ASIP: variants seen among roughly 807,000 people sequenced by gnomAD.
ASIP encodes the protein agouti signaling protein, also known as agouti-signaling protein.
In ASIP, 11 loss-of-function variants were observed where a neutral mutation model predicts 10.3. The ratio of observed to expected loss-of-function variants is 1.07; its 90% CI spans 0.68 to 1.78. ASIP has a LOEUF of 1.78. Ranked by LOEUF, ASIP falls within the 40% of genes most tolerant of loss-of-function variation. The pLI, the probability that ASIP is intolerant of heterozygous loss-of-function variation, is 0.00. For synonymous variants in ASIP, 70 were observed against 70.8 expected (o/e 0.99, Z 0.06); for missense variants, 180 against 169.2 (o/e 1.06, Z -0.35).
chr20:34,258,373 A>G (rs1250862644), intron 1 of ASIP, among the ~76,000 whole-genome samples: 11 of 149,962 alleles, frequency 7.3e-5, no homozygotes, highest in South Asian at 2.1e-4. Flanking sequence ...AGAATCATTT[A>G]AAAATGTAAA....
In ASIP at chr20:34,260,053, T is replaced by TA. The variant is rs1166656389; in HGVS notation, c.-10-305dup. Reference sequence around the variant, plus strand: ...TGGGGTCTCCTGGGGCCACAGACATTAAAAAAACACACAGAAGCAGCCAAC... The same window carrying TA: ...TGGGGTCTCCTGGGGCCACAGACATTAAAAAAAACACACAGAAGCAGCCAAC... On this transcript the variant is annotated intron_variant, in intron 1 of 3. Transcript: ENST00000374954. Among the ~76,000 whole-genome samples, 5 of 151,974 alleles carry TA rather than the reference T, an allele frequency of 3.3e-5. No individual in the cohort carries two copies. The East Asian group carries it at 5.8e-4, about 18-fold the overall frequency.
chr20:34,252,329 C>T (rs1290827914), intron 1 of ASIP, among the ~76,000 whole-genome samples: 1 of 152,110 alleles, frequency 6.6e-6, no homozygotes, highest in Non-Finnish European at 1.5e-5. Flanking sequence ...GGGAGTGTAG[C>T]AGGGCAACAG....
chr20:34,246,296 C>G (rs1051572172), intron 1 of ASIP: 15 of 1,551,150 alleles, frequency 9.7e-6, no homozygotes, highest in Non-Finnish European at 1.0e-5. Context: ...TGTTCCTTGA[C>G]CCTCACTAAT....
rs558693997 is a variant in ASIP at position 34,266,279 on chromosome 20, G to GA, written c.223-2711dup. ...AGGCAGGAGAATGGCGTGAACCCGG[G>GA]AGGCAGAGTACAGTGAGCCGAGACC... is the stretch of plus-strand genomic sequence containing the variant. On this transcript the variant is annotated intron_variant, in intron 3 of 3. Coordinates refer to ENST00000374954, the MANE Select transcript of ASIP (RefSeq NM_001672.3). Among the ~76,000 whole-genome samples, 14 of 152,148 alleles carry GA rather than the reference G, an allele frequency of 9.2e-5. No homozygotes were observed. In the East Asian group the frequency reaches 2.7e-3, roughly 29 times the overall value.
intron 1 of ASIP, chr20:34,214,131 G>A: frequency 8.8e-7 from 1 of 1,141,600 alleles, no homozygotes; most frequent in Non-Finnish European, 1.3e-6. Flanking sequence ...ATTCTCAGGT[G>A]GAGAAAGCTT....
chr20:34,192,506 C>CT (rs939216507), upstream of ASIP, among the ~76,000 whole-genome samples: 73 of 146,502 alleles, frequency 5.0e-4, no homozygotes, highest in Admixed American at 3.1e-3. Context: ...TTTTCCTTTC[C>CT]TTTTTTTTCT....
upstream of ASIP, among the ~76,000 whole-genome samples, chr20:34,192,554 T>C (rs58067404): frequency 6.1e-4 from 92 of 149,724 alleles, no homozygotes; most frequent in African/African-American, 2.2e-3. Flanking sequence ...AGAGAAAGCC[T>C]GATCTCCAGA....
At position 34,258,866 on chromosome 20, in the gene ASIP, TATA is replaced by T. The variant is rs1418699272; in HGVS notation, c.-10-1495_-10-1493del. On this transcript the variant is annotated intron_variant, in intron 1 of 3. Transcript: ENST00000374954. ...TAGTGTATATATAATATATGATATATATAATACTATATATATAGTATTATATAT... is the reference window on the plus strand; with the variant it reads ...TAGTGTATATATAATATATGATATATATACTATATATATAGTATTATATAT... 6.3e-5 allele frequency among the ~76,000 whole-genome samples: 8 copies of T among 126,154 alleles called. No individual in the cohort carries two copies. The East Asian group carries it at 8.5e-4, about 13-fold the overall frequency. 82.8% of individuals were successfully genotyped at this position (126,154 alleles called of 152,430 possible). A position where few individuals can be genotyped will look rare whatever the true frequency, so the allele number is the denominator to read the frequency against.
chr20:34,189,157 CA>C, the ASIP span, among the ~76,000 whole-genome samples: 2 of 152,150 alleles, frequency 1.3e-5, no homozygotes. Flanking sequence ...GGAGGTTAAA[CA>C]AAACCTCAAG....
intron 1 of ASIP, chr20:34,246,235 T>C: frequency 6.6e-7 from 1 of 1,521,538 alleles, no homozygotes; most frequent in South Asian, 1.2e-5. Flanking sequence ...TTTGTTTTAT[T>C]TGGCCTCTTC....
intron 1 of ASIP, among the ~76,000 whole-genome samples, chr20:34,221,385 GA>G (rs1018058007): frequency 2.0e-5 from 3 of 148,570 alleles, no homozygotes; most frequent in East Asian, 2.0e-4. Flanking sequence ...CTCAAAAAAA[GA>G]AAAAAAAAGA....
chr20:34,191,098 A>G (rs1033601319), upstream of ASIP, among the ~76,000 whole-genome samples: 9 of 152,214 alleles, frequency 5.9e-5, no homozygotes, highest in Non-Finnish European at 1.3e-4. Flanking sequence ...AGGAAACCTA[A>G]AAGACTTTAA....
chr20:34,209,325 G>A lies in ASIP; in HGVS notation c.-11+14565G>A, dbSNP rs183956507. ...TGCAGACTCAGGCCTCCCACTCCAC[G>A]GAGCAGGCAGGAGGCCTACCCTCAC... On this transcript the variant is annotated intron_variant, in intron 1 of 3. Transcript: ENST00000568305. Among the ~76,000 whole-genome samples, 17 of 152,168 alleles carry A rather than the reference G, an allele frequency of 1.1e-4. No individual in the cohort carries two copies. The East Asian group carries it at 2.5e-3, about 22-fold the overall frequency.
intron 1 of ASIP, among the ~76,000 whole-genome samples, chr20:34,256,330 G>A (rs2035567915): frequency 6.6e-6 from 1 of 152,098 alleles, no homozygotes; most frequent in African/African-American, 2.4e-5. Flanking sequence ...TGCCTTGGTG[G>A]TAGTGGTCCC....
chr20:34,265,904 C>T (rs141128439), intron 3 of ASIP, among the ~76,000 whole-genome samples: 3 of 150,664 alleles, frequency 2.0e-5, no homozygotes, highest in Non-Finnish European at 3.0e-5. Context: ...GAGCCAAGAT[C>T]ACACCACTGC....
chr20:34,265,497 C>T (rs2035768825), intron 3 of ASIP, among the ~76,000 whole-genome samples: 1 of 152,100 alleles, frequency 6.6e-6, no homozygotes, highest in Non-Finnish European at 1.5e-5. Flanking sequence ...GCACTCCAGC[C>T]TGGGCAACAG....
intron 3 of ASIP, among the ~76,000 whole-genome samples, chr20:34,263,959 C>T (rs541956661): frequency 2.6e-5 from 4 of 152,096 alleles, no homozygotes; most frequent in Non-Finnish European, 4.4e-5. Context: ...GGGTGAGCCA[C>T]CTTGCCCAGC....
the ASIP span, among the ~76,000 whole-genome samples, chr20:34,188,549 C>T: frequency 7.2e-5 from 11 of 152,236 alleles, no homozygotes; most frequent in Non-Finnish European, 1.5e-4. Flanking sequence ...AAATAGACCT[C>T]AGAACTGGAG....
At chr20:34,225,635 C>T (rs188878578) in intron 1 of ASIP, among the ~76,000 whole-genome samples, 249 of 152,208 alleles carry the variant, frequency 1.6e-3, no homozygotes, top group African/African-American at 5.6e-3. Context: ...AGTCTTGTTT[C>T]GTAATAATAA....
Sources: allele counts gnomAD v4.1 joint callset (sites outside exome capture counted in the v4.1 genomes callset), GRCh38; gene constraint gnomAD v4.1.1; transcripts MANE v1.5; gene names NCBI Gene and HGNC (gene_info 2026-07-23, HGNC 2026-07-21).